NKAIN2: variants seen among roughly 807,000 people sequenced by gnomAD.
The protein encoded by NKAIN2 is sodium/potassium transporting ATPase interacting 2.
Under a neutral mutation model 32.6 loss-of-function variants are expected in NKAIN2, and 14 were observed. The ratio of observed to expected loss-of-function variants is 0.43; its 90% CI spans 0.28 to 0.67. The LOEUF (loss-of-function observed/expected upper bound fraction) is 0.67. Among genes scored for constraint, NKAIN2 ranks in the 30% least tolerant of loss-of-function variants. The pLI is 0.17. For synonymous variants in NKAIN2, 80 were observed against 87.2 expected (o/e 0.92, Z 0.46); for missense variants, 198 against 258.3 (o/e 0.77, Z 1.60).
At chr6:124,271,053 A>C (rs1451539961) in intron 1 of NKAIN2, among the ~76,000 whole-genome samples, 1 of 152,112 alleles carries the variant, frequency 6.6e-6, no homozygotes, top group African/African-American at 2.4e-5. Flanking sequence ...CATGATAGTG[A>C]GTGAGTTTTC....
At chr6:124,190,499 G>A (rs1789961778) in intron 1 of NKAIN2, among the ~76,000 whole-genome samples, 1 of 152,152 alleles carries the variant, frequency 6.6e-6, no homozygotes, top group Non-Finnish European at 1.5e-5. Context: ...AGTCTGGCAG[G>A]TTCTTTTGTG....
chr6:124,054,145 G>T (rs1782536584), intron 1 of NKAIN2, among the ~76,000 whole-genome samples: 1 of 152,002 alleles, frequency 6.6e-6, no homozygotes, highest in African/African-American at 2.4e-5. Context: ...GGTGTAGGTG[G>T]GGAGATAAGT....
intron 4 of NKAIN2, among the ~76,000 whole-genome samples, chr6:124,684,841 C>G (rs1045929440): frequency 1.3e-5 from 2 of 152,148 alleles, no homozygotes; most frequent in Admixed American, 1.3e-4. Flanking sequence ...CCCCAAATAC[C>G]TAACATCCAG....
At chr6:124,331,346 A>C (rs1283443269) in intron 2 of NKAIN2, among the ~76,000 whole-genome samples, 1 of 19,110 alleles carries the variant, frequency 5.2e-5, no homozygotes, top group Non-Finnish European at 1.1e-4. Context: ...CTAAATATAC[A>C]AAAAAAAAAA....
intron 3 of NKAIN2, among the ~76,000 whole-genome samples, chr6:124,525,422 C>A (rs1315275048): frequency 6.6e-6 from 1 of 152,000 alleles, no homozygotes; most frequent in Admixed American, 6.6e-5. Context: ...GTAATGAAGA[C>A]AGCAAGACTA....
At chr6:124,340,583 C>T (rs989955520) in intron 2 of NKAIN2, among the ~76,000 whole-genome samples, 1 of 152,070 alleles carries the variant, frequency 6.6e-6, no homozygotes, top group African/African-American at 2.4e-5. Flanking sequence ...TCTTTGTATT[C>T]ATAAGTTTTC....
At chr6:124,568,505 A>G (rs1024910539) in intron 3 of NKAIN2, among the ~76,000 whole-genome samples, 1 of 152,192 alleles carries the variant, frequency 6.6e-6, no homozygotes, top group African/African-American at 2.4e-5. Context: ...ACTGAGTCTC[A>G]TATAAGGTAA....
chr6:124,562,362 T>C (rs1780727944), intron 3 of NKAIN2, among the ~76,000 whole-genome samples: 1 of 152,208 alleles, frequency 6.6e-6, no homozygotes, highest in Admixed American at 6.5e-5. Context: ...CTGCCTGCAA[T>C]AGCTAAGGCA....
At chr6:124,804,497 A>G in intron 5 of NKAIN2, 2 of 940,408 alleles carry the variant, frequency 2.1e-6, no homozygotes, top group Non-Finnish European at 2.5e-6. Flanking sequence ...AAAATATTAA[A>G]GATCTGGGGG....
chr6:124,455,714 C>T (rs1463437970), intron 3 of NKAIN2, among the ~76,000 whole-genome samples: 1 of 151,788 alleles, frequency 6.6e-6, no homozygotes, highest in Non-Finnish European at 1.5e-5. Flanking sequence ...TAATCCCAAT[C>T]CTCAGAATAA....
intron 1 of NKAIN2, among the ~76,000 whole-genome samples, chr6:124,068,759 G>A (rs1315275136): frequency 8.6e-6 from 1 of 116,164 alleles, no homozygotes; most frequent in Non-Finnish European, 1.9e-5. Context: ...TTATAAAAAC[G>A]GGGAAGGGAA....
At chr6:124,045,049 A>G (rs529632142) in intron 1 of NKAIN2, among the ~76,000 whole-genome samples, 2 of 151,922 alleles carry the variant, frequency 1.3e-5, no homozygotes, top group Non-Finnish European at 2.9e-5. Context: ...AGCTGAGATA[A>G]TTTTGTGAGC....
chr6:124,045,725 C>G (rs1211963757), intron 1 of NKAIN2, among the ~76,000 whole-genome samples: 1 of 151,960 alleles, frequency 6.6e-6, no homozygotes, highest in East Asian at 1.9e-4. Context: ...GTATAAATGA[C>G]ACTTAAACCA....
chr6:123,892,963 TA>T (rs1774093505), intron 1 of NKAIN2, among the ~76,000 whole-genome samples: 1 of 151,588 alleles, frequency 6.6e-6, no homozygotes, highest in Non-Finnish European at 1.5e-5. Context: ...GAAGGCAAAA[TA>T]AACTGAAGTT....
intron 3 of NKAIN2, among the ~76,000 whole-genome samples, chr6:124,606,834 CT>C (rs922079196): frequency 6.6e-6 from 1 of 152,110 alleles, no homozygotes; most frequent in Non-Finnish European, 1.5e-5. Flanking sequence ...ATTCTTGCTC[CT>C]TCCAAAGAAG....
At chr6:124,586,884 T>A (rs1278372458) in intron 3 of NKAIN2, among the ~76,000 whole-genome samples, 6 of 152,216 alleles carry the variant, frequency 3.9e-5, no homozygotes, top group Non-Finnish European at 8.8e-5. Context: ...TGCAGCAACA[T>A]GGATGTCTCT....
At chr6:124,758,480 T>G (rs1286056766) in intron 4 of NKAIN2, among the ~76,000 whole-genome samples, 6 of 152,140 alleles carry the variant, frequency 3.9e-5, no homozygotes, top group Non-Finnish European at 8.8e-5. Flanking sequence ...CCAGCCTGCG[T>G]AACTGTGAGA....
At chr6:124,006,761 G>T (rs1027299358) in intron 1 of NKAIN2, among the ~76,000 whole-genome samples, 3 of 152,140 alleles carry the variant, frequency 2.0e-5, no homozygotes, top group African/African-American at 7.2e-5. Context: ...TGGGATTGGG[G>T]TCAGGGACAT....
intron 3 of NKAIN2, among the ~76,000 whole-genome samples, chr6:124,398,307 A>G (rs1296525431): frequency 6.7e-6 from 1 of 150,372 alleles, no homozygotes; most frequent in African/African-American, 2.4e-5. Flanking sequence ...ACAGAATCTC[A>G]AATCTCATTT....
Sources: gnomAD v4.1 joint callset for allele counts (sites outside exome capture counted in the v4.1 genomes callset) on GRCh38, gnomAD v4.1.1 for gene constraint, MANE v1.5 for transcripts, NCBI Gene and HGNC (gene_info 2026-07-23, HGNC 2026-07-21) for gene names.